LEKR1: variants seen among roughly 807,000 people sequenced by gnomAD.
The protein encoded by LEKR1 is leucine, glutamate and lysine rich 1.
In LEKR1, 59 loss-of-function variants were observed where a neutral mutation model predicts 72.4. The observed-to-expected ratio is 0.82, with a 90% CI of 0.66 to 1.01. LEKR1 has a LOEUF of 1.01. Among genes scored for constraint, LEKR1 ranks in the 50% least tolerant of loss-of-function variants. The pLI is 0.00. For missense variants in LEKR1, 728 were observed against 759.2 expected, an observed-to-expected ratio of 0.96 and a Z score of 0.48; for synonymous variants, 257 against 263.2, an observed-to-expected ratio of 0.98 and a Z score of 0.23.
Position 156,992,715 on chromosome 3 carries a change from T to G in LEKR1, c.890T>G (p.Ile297Ser). The change falls in exon 8 of 13, where the codon ATT becomes AGT. Residue 297 changes from isoleucine (I) to serine (S), a missense_variant. Physicochemically the swap from Ile to Ser is moderately radical, Grantham distance 142. Coordinates refer to ENST00000356539, the MANE Select transcript of LEKR1 (RefSeq NM_001004316.3). ...CTTAAAAAACTGAAGTTTGAATCCATTATTTCTGAGTCACAGTATGCATTA... is the reference window on the plus strand; with the variant it reads ...CTTAAAAAACTGAAGTTTGAATCCAGTATTTCTGAGTCACAGTATGCATTA... ...RELKKLKFES[I>S]ISESQHTMLL... is the part of the protein sequence containing the mutation. 9.7e-7 allele frequency: 1 copy of G among 1,030,550 alleles called. No individual in the cohort carries two copies. Among genetic ancestry groups the G allele is most frequent in the Non-Finnish European group, 1.2e-6 (1 of 816,110 alleles). 63.8% of individuals were successfully genotyped at this position (1,030,550 alleles called of 1,614,324 possible).
chr3:156,990,246 C>T (rs1172695942), intron 7 of LEKR1, among the ~76,000 whole-genome samples: 2 of 152,084 alleles, frequency 1.3e-5, no homozygotes, highest in African/African-American at 4.8e-5. Flanking sequence ...AGCCAGAAAA[C>T]CACATAGGGG....
At chr3:156,949,022 T>C (rs925695151) in intron 6 of LEKR1, among the ~76,000 whole-genome samples, 59 of 151,620 alleles carry the variant, frequency 3.9e-4, no homozygotes, top group Admixed American at 1.4e-3. Context: ...TGGGTTTTTT[T>C]CTTGTAAATT....
chr3:156,878,278 T>C (rs1166992837), intron 3 of LEKR1, among the ~76,000 whole-genome samples: 1 of 152,176 alleles, frequency 6.6e-6, no homozygotes, highest in Admixed American at 6.5e-5. Context: ...TGAACTTTCC[T>C]GTTAACACTG....
chr3:156,892,738 G>T (rs1246979047), intron 3 of LEKR1, among the ~76,000 whole-genome samples: 2 of 152,146 alleles, frequency 1.3e-5, no homozygotes, highest in Non-Finnish European at 2.9e-5. Context: ...CATACCTGTT[G>T]TTACAGTACT....
chr3:156,875,367 G>A (rs1718433401), intron 3 of LEKR1, among the ~76,000 whole-genome samples: 1 of 151,904 alleles, frequency 6.6e-6, no homozygotes, highest in Admixed American at 6.6e-5. Flanking sequence ...CTTTTTGATG[G>A]GGTTATTTGT....
intron 3 of LEKR1, among the ~76,000 whole-genome samples, chr3:156,869,824 A>G (rs375310601): frequency 6.6e-6 from 1 of 152,094 alleles, no homozygotes; most frequent in East Asian, 1.9e-4. Flanking sequence ...TTCTCATGGT[A>G]GTTTTATAGT....
chr3:156,912,660 C>G (rs1723227957), intron 3 of LEKR1, among the ~76,000 whole-genome samples: 1 of 152,162 alleles, frequency 6.6e-6, no homozygotes, highest in South Asian at 2.1e-4. Context: ...TTGTGAATTT[C>G]AGTTGGTAGC....
At chr3:156,992,603 T>A in intron 7 of LEKR1, 50 bp from the exon 8 acceptor site, 1 of 350,474 alleles carries the variant, frequency 2.9e-6, no homozygotes. Flanking sequence ...CAGAAAAACA[T>A]ATACTTTATT....
At chr3:156,895,895 A>T (rs1721131387) in intron 3 of LEKR1, among the ~76,000 whole-genome samples, 1 of 152,240 alleles carries the variant, frequency 6.6e-6, no homozygotes, top group African/African-American at 2.4e-5. Context: ...TCTATTATAA[A>T]GACACATGCA....
intron 2 of LEKR1, 112 bp from the exon 3 acceptor site, chr3:156,852,656 G>A (rs980410645): frequency 5.5e-6 from 3 of 541,410 alleles, no homozygotes; most frequent in African/African-American, 3.8e-5. Flanking sequence ...TTGCTCCAAG[G>A]CATAGTATAC....
intron 2 of LEKR1, among the ~76,000 whole-genome samples, chr3:156,829,879 A>G (rs1712134529): frequency 6.6e-6 from 1 of 152,248 alleles, no homozygotes; most frequent in Non-Finnish European, 1.5e-5. Flanking sequence ...AAAAACTCAC[A>G]GGCGAACCAA....
At chr3:156,878,811 C>A (rs375446278) in intron 3 of LEKR1, among the ~76,000 whole-genome samples, 55 of 152,096 alleles carry the variant, frequency 3.6e-4, no homozygotes, top group African/African-American at 1.2e-3. Flanking sequence ...AATCATGGGG[C>A]CAGTTTCCCC....
chr3:156,982,855 G>A (rs1038315650), intron 7 of LEKR1, among the ~76,000 whole-genome samples: 4 of 139,998 alleles, frequency 2.9e-5, no homozygotes, highest in African/African-American at 8.9e-5. Flanking sequence ...GTGTGTGTGT[G>A]TAGATAGATA....
intron 3 of LEKR1, among the ~76,000 whole-genome samples, chr3:156,866,711 A>ATGGCTGGC (rs1402769118): frequency 6.6e-6 from 1 of 151,910 alleles, no homozygotes; most frequent in Non-Finnish European, 1.5e-5. Flanking sequence ...AGATGGCTGG[A>ATGGCTGGC]TGGCTGGCTG....
At chr3:156,864,693 A>G (rs543880368) in intron 3 of LEKR1, among the ~76,000 whole-genome samples, 1 of 152,210 alleles carries the variant, frequency 6.6e-6, no homozygotes, top group African/African-American at 2.4e-5. Flanking sequence ...CTAAATCCAA[A>G]AAGTATGCTA....
intron 3 of LEKR1, among the ~76,000 whole-genome samples, chr3:156,863,773 A>C (rs946856935): frequency 5.9e-5 from 9 of 152,046 alleles, no homozygotes; most frequent in Admixed American, 5.9e-4. Flanking sequence ...GAAACCAAAC[A>C]AATACAGCTA....
chr3:156,939,435 T>C (rs1289282942), intron 5 of LEKR1, among the ~76,000 whole-genome samples: 1 of 152,198 alleles, frequency 6.6e-6, no homozygotes, highest in Non-Finnish European at 1.5e-5. Context: ...GTTTAAGCAC[T>C]CAATCTGTGG....
rs1018231992 is a variant in LEKR1 at position 156,850,311 on chromosome 3, T to C, written c.49-2457T>C. Among the ~76,000 whole-genome samples, 32 of 152,152 alleles carry C rather than the reference T, an allele frequency of 2.1e-4. 1 individual carries two copies. The highest frequency in any genetic ancestry group is 7.5e-4 in the African/African-American group (31 of 41,564). ...ACATCTGTAGTTCTGTACTTGGATC[T>C]GAAAAGCCAAATGCTCACATAATAG... is the stretch of plus-strand genomic sequence containing the variant. On this transcript the variant is annotated intron_variant, in intron 2 of 12. Transcript: ENST00000356539.
intron 12 of LEKR1, among the ~76,000 whole-genome samples, chr3:157,033,980 C>A (rs1734796246): frequency 6.6e-6 from 1 of 151,682 alleles, no homozygotes; most frequent in Non-Finnish European, 1.5e-5. Flanking sequence ...ACAACAAAGC[C>A]TGAATGACAG....
Sources: allele counts gnomAD v4.1 joint callset (sites outside exome capture counted in the v4.1 genomes callset), GRCh38; gene constraint gnomAD v4.1.1; transcripts MANE v1.5; gene names NCBI Gene and HGNC (gene_info 2026-07-23, HGNC 2026-07-21).